SBF2: variants seen among roughly 807,000 people sequenced by gnomAD.
SBF2 encodes myotubularin-related protein 13.
A neutral mutation model predicts 225.2 loss-of-function variants in SBF2; 112 were observed. That is an observed-to-expected ratio of 0.50 (90% CI 0.43 to 0.58). The LOEUF is 0.58. SBF2 is among the 20% of genes least tolerant of loss of function. The probability of loss-of-function intolerance (pLI) is 0.00; values close to 1 mark genes in which losing one functional copy is unlikely to be tolerated. For synonymous variants in SBF2, 763 were observed against 773.3 expected (o/e 0.99, Z 0.22); for missense variants, 1,996 against 2,206.2 (o/e 0.90, Z 1.91).
chr11:9,792,963 G>C (rs1852855012), intron 33 of SBF2, among the ~76,000 whole-genome samples: 1 of 139,360 alleles, frequency 7.2e-6, no homozygotes, highest in Non-Finnish European at 1.5e-5. Flanking sequence ...TTTTTGTAGA[G>C]ATGGGGTTTT....
At chr11:10,126,695 A>T (rs544742558) in intron 2 of SBF2, among the ~76,000 whole-genome samples, 51 of 152,276 alleles carry the variant, frequency 3.3e-4, no homozygotes, top group African/African-American at 1.2e-3. Context: ...TATATCCAAA[A>T]GAACTGACAC....
At position 9,888,833 on chromosome 11, in the gene SBF2, G is replaced by T. The variant is rs1227601725; in HGVS notation, c.1929+7110C>A. ...GTGAGTCCTGTTCTGACATTTACTA[G>T]CTAGGTAGTATAGATTCTTTCCAAG... On this transcript the variant is annotated intron_variant, in intron 17 of 39. Transcript: ENST00000256190. Among the ~76,000 whole-genome samples the T allele has an allele frequency of 2.0e-5, 3 of 152,216 alleles. No individual in the cohort carries two copies. In the East Asian group the frequency reaches 5.8e-4, roughly 29 times the overall value.
chr11:10,063,880 G>A (rs981852995), intron 2 of SBF2, among the ~76,000 whole-genome samples: 1 of 149,714 alleles, frequency 6.7e-6, no homozygotes. Flanking sequence ...GAGAGAGAGA[G>A]AAAACGAAAA....
intron 1 of SBF2, among the ~76,000 whole-genome samples, chr11:10,228,898 G>A (rs1213528897): frequency 1.3e-5 from 2 of 152,048 alleles, no homozygotes; most frequent in Non-Finnish European, 1.5e-5. Context: ...AATGGTACCA[G>A]CTCCTCCTTG....
intron 2 of SBF2, among the ~76,000 whole-genome samples, chr11:10,182,380 C>T (rs1956769980): frequency 6.6e-6 from 1 of 152,126 alleles, no homozygotes; most frequent in South Asian, 2.1e-4. Context: ...ATATACACCT[C>T]TCTATATATA....
chr11:10,108,551 G>A (rs575141871), intron 2 of SBF2, among the ~76,000 whole-genome samples: 1 of 123,578 alleles, frequency 8.1e-6, no homozygotes, highest in Non-Finnish European at 1.6e-5. Context: ...TTGAGACGGA[G>A]TCTCGCTCTG....
chr11:10,060,097 C>T (rs774240273), intron 2 of SBF2, among the ~76,000 whole-genome samples: 64 of 151,986 alleles, frequency 4.2e-4, no homozygotes, highest in Non-Finnish European at 8.2e-4. Context: ...CAGGAATTGG[C>T]TTTTTGAAAA....
At chr11:10,070,675 G>GT (rs1355425213) in intron 2 of SBF2, among the ~76,000 whole-genome samples, 3 of 152,110 alleles carry the variant, frequency 2.0e-5, no homozygotes, top group African/African-American at 7.2e-5. Context: ...CTTTAAAATA[G>GT]TTTTTTTCCA....
intron 1 of SBF2, among the ~76,000 whole-genome samples, chr11:10,301,335 T>C (rs1318336240): frequency 3.9e-5 from 6 of 152,216 alleles, no homozygotes; most frequent in African/African-American, 1.4e-4. Flanking sequence ...ATTAGGTCCT[T>C]AGAGAAGTCA....
chr11:10,067,440 A>G (rs2134786534), intron 2 of SBF2, among the ~76,000 whole-genome samples: 1 of 152,288 alleles, frequency 6.6e-6, no homozygotes, highest in African/African-American at 2.4e-5. Flanking sequence ...TCCAGTGAAA[A>G]TGTAAAGGAC....
At chr11:10,011,786 T>C (rs1948470868) in intron 6 of SBF2, among the ~76,000 whole-genome samples, 1 of 152,214 alleles carries the variant, frequency 6.6e-6, no homozygotes, top group South Asian at 2.1e-4. Flanking sequence ...TCTCAAGGGT[T>C]TGCCTTTCAC....
At chr11:9,829,850 GAAC>G (rs1490956928) in intron 27 of SBF2, among the ~76,000 whole-genome samples, 2 of 152,224 alleles carry the variant, frequency 1.3e-5, no homozygotes, top group Non-Finnish European at 2.9e-5. Flanking sequence ...GAAGATTCAT[GAAC>G]AACAACGCCT....
In SBF2 at chr11:10,242,597, T is replaced by C. The variant is rs530454770; in HGVS notation, c.56-48610A>G. 2.3e-4 allele frequency among the ~76,000 whole-genome samples: 35 copies of C among 151,974 alleles called. 1 individual carries two copies. Among genetic ancestry groups the C allele is most frequent in the African/African-American group, 8.2e-4 (34 of 41,496 alleles). ...CCAACTGTATGCTGTCTGCAACAAA[T>C]ACACCTTAAATTTAAGAACACACAC... On this transcript the variant is annotated intron_variant, in intron 1 of 39. Coordinates refer to ENST00000256190, the MANE Select transcript of SBF2 (RefSeq NM_030962.4).
intron 16 of SBF2, among the ~76,000 whole-genome samples, chr11:9,931,107 G>A (rs1030376090): frequency 2.6e-5 from 4 of 152,258 alleles, no homozygotes; most frequent in East Asian, 1.9e-4. Flanking sequence ...CAGGAAGCTC[G>A]AACTGGGCGG....
intron 2 of SBF2, among the ~76,000 whole-genome samples, chr11:10,119,797 T>G (rs1953348903): frequency 6.6e-6 from 1 of 152,192 alleles, no homozygotes; most frequent in Non-Finnish European, 1.5e-5. Flanking sequence ...GTTTTTATGT[T>G]TATTTCAGTG....
intron 33 of SBF2, among the ~76,000 whole-genome samples, chr11:9,791,656 G>C (rs944729308): frequency 1.3e-5 from 2 of 152,214 alleles, no homozygotes; most frequent in African/African-American, 4.8e-5. Context: ...CGAGATATTA[G>C]TTATTTTAAA....
chr11:10,062,050 A>T (rs1025015034), intron 2 of SBF2, among the ~76,000 whole-genome samples: 9 of 152,224 alleles, frequency 5.9e-5, no homozygotes, highest in African/African-American at 2.2e-4. Flanking sequence ...CCACACATCT[A>T]TGGCCATCTG....
At chr11:10,176,686 G>A (rs1192005663) in intron 2 of SBF2, among the ~76,000 whole-genome samples, 2 of 152,234 alleles carry the variant, frequency 1.3e-5, no homozygotes, top group African/African-American at 4.8e-5. Flanking sequence ...AGCTGAAACT[G>A]TGGCAATAAT....
At chr11:10,101,545 G>A (rs969698654) in intron 2 of SBF2, among the ~76,000 whole-genome samples, 2 of 151,968 alleles carry the variant, frequency 1.3e-5, no homozygotes, top group Non-Finnish European at 2.9e-5. Flanking sequence ...ATCAAAAACC[G>A]CTCCATTTTT....
Sources: gnomAD v4.1 joint callset for allele counts (sites outside exome capture counted in the v4.1 genomes callset) on GRCh38, gnomAD v4.1.1 for gene constraint, MANE v1.5 for transcripts, NCBI Gene and HGNC (gene_info 2026-07-23, HGNC 2026-07-21) for gene names.